The following LAMA1 variants were observed in gnomAD, a reference collection of about 807,000 sequenced individuals.
LAMA1 encodes the protein laminin subunit alpha 1.
A neutral mutation model predicts 348.7 loss-of-function variants in LAMA1; 219 were observed. The ratio of observed to expected loss-of-function variants is 0.63; its 90% CI spans 0.56 to 0.70. The LOEUF is 0.70. Ranked by LOEUF, LAMA1 falls within the 30% of genes least tolerant of loss-of-function variation. The probability of loss-of-function intolerance (pLI) is 0.00; values close to 1 mark genes in which losing one functional copy is unlikely to be tolerated. For synonymous variants in LAMA1, 1,487 were observed against 1,491.0 expected (o/e 1.00, Z 0.06); for missense variants, 3,744 against 3,888.0 (o/e 0.96, Z 0.99).
At chr18:7,002,192 C>T in intron 30 of LAMA1, 72 bp downstream of exon 30, 2 of 1,586,792 alleles carry the variant, frequency 1.3e-6, no homozygotes, top group Non-Finnish European at 1.7e-6. Flanking sequence ...ACTCAGAGAC[C>T]CTTGAAAATG....
At chr18:7,019,244 C>G (rs1466220749) in intron 19 of LAMA1, among the ~76,000 whole-genome samples, 1 of 152,098 alleles carries the variant, frequency 6.6e-6, no homozygotes, top group Non-Finnish European at 1.5e-5. Context: ...AGACTTCGGT[C>G]CCCCTCTTAC....
intron 1 of LAMA1, among the ~76,000 whole-genome samples, chr18:7,094,162 T>C (rs1382439663): frequency 6.6e-6 from 1 of 152,066 alleles, no homozygotes; most frequent in Non-Finnish European, 1.5e-5. Flanking sequence ...GGAGTGGGGC[T>C]GAGATACTTC....
chr18:7,080,934 T>C (rs1056981045), intron 1 of LAMA1, among the ~76,000 whole-genome samples: 3 of 152,202 alleles, frequency 2.0e-5, no homozygotes, highest in African/African-American at 2.4e-5. Flanking sequence ...TGTCTCCAAT[T>C]CACTTCGAAA....
chr18:7,023,371 C>A lies in LAMA1; in HGVS notation c.2494G>T (p.Ala832Ser). The change falls in exon 19 of 63, where the codon GCA becomes TCA. Residue 832 changes from alanine (A) to serine (S), a missense_variant. By Grantham distance (99) the Ala-to-Ser change is moderately conservative. Around this residue, in one of 3 missense-constraint regions of LAMA1, gnomAD observed 1,529 missense variants for 1,689.4 expected, o/e 0.91. Coordinates refer to ENST00000389658, the MANE Select transcript of LAMA1 (RefSeq NM_005559.4). The part of the protein sequence containing the change: ...GYSGAWCERC[A>S]DGYYGNPTVP... ...GTTGGGTTTCCATAGTAACCATCTG[C>A]ACATCTGTATCAAAGATTGAAAGTG... The A allele has an allele frequency of 6.2e-7, 1 of 1,613,930 alleles. No homozygotes were observed. The highest frequency in any genetic ancestry group is 8.5e-7 in the Non-Finnish European group (1 of 1,179,826).
At chr18:7,081,170 A>C (rs542247428) in intron 1 of LAMA1, among the ~76,000 whole-genome samples, 179 of 152,270 alleles carry the variant, frequency 1.2e-3, no homozygotes, top group African/African-American at 3.4e-3. Flanking sequence ...ACAACAACAA[A>C]AAAAAACCAA....
At position 6,956,316 on chromosome 18, in the gene LAMA1, C is replaced by G. The variant is rs112274638; in HGVS notation, c.8094+320G>C. On this transcript the variant is annotated intron_variant, in intron 56 of 62. Transcript: ENST00000389658. ...GTGCACAATGGCTTTACATGAAGTA[C>G]TTATTTTCATGCTTTCCTGGCTAAA... is the stretch of plus-strand genomic sequence containing the variant. The G allele has an allele frequency of 3.0e-4, 132 of 438,690 alleles. 4 individuals are homozygous for G. Among genetic ancestry groups the G allele is most frequent in the African/African-American group, 2.4e-3 (121 of 49,676 alleles). 27.2% of individuals were successfully genotyped at this position (438,690 alleles called of 1,614,324 possible). A position where few individuals can be genotyped will look rare whatever the true frequency, so the allele number is the denominator to read the frequency against.
intron 3 of LAMA1, among the ~76,000 whole-genome samples, chr18:7,072,050 G>T (rs1034611435): frequency 1.3e-5 from 2 of 151,770 alleles, no homozygotes; most frequent in African/African-American, 2.4e-5. Context: ...GCGAAGAGAT[G>T]ATGTGTTTCT....
Position 6,961,977 on chromosome 18 carries a change from A to C in LAMA1, c.7420T>G (p.Ser2474Ala), listed in dbSNP as rs767992112. 4 of 1,614,184 alleles carry C rather than the reference A, an allele frequency of 2.5e-6. No homozygotes were observed. In the South Asian group the frequency reaches 4.4e-5, roughly 18 times the overall value. Reference protein sequence around the residue: ...SRSTFDLLRNSYGVRKGCLLE... With the variant: ...SRSTFDLLRNAYGVRKGCLLE... ...AAACAGCCTTTTCTCACTCCATAGGAATTTCTGAGTAAGTCAAAGGTTGAT... is the reference window on the plus strand; with the variant it reads ...AAACAGCCTTTTCTCACTCCATAGGCATTTCTGAGTAAGTCAAAGGTTGAT... The change falls in exon 52 of 63, where the codon TCC (serine) becomes GCC (alanine). Residue 2474 changes from serine (S) to alanine (A), a missense_variant. By Grantham distance (99) the Ser-to-Ala change is moderately conservative (BLOSUM62 1). Around this residue, in one of 3 missense-constraint regions of LAMA1, gnomAD observed 1,983 missense variants for 1,934.3 expected, o/e 1.03. Transcript: ENST00000389658.
chr18:7,043,077 G>A (rs2058027413), intron 8 of LAMA1, 150 bp downstream of exon 8: 1 of 742,694 alleles, frequency 1.3e-6, no homozygotes, highest in Admixed American at 2.4e-5. Context: ...GGATAGAGTA[G>A]GAAATATATA....
Position 6,956,696 on chromosome 18 carries a change from C to A in LAMA1, c.8034G>T (p.Arg2678Ser), listed in dbSNP as rs554545286. ...VDLDTCWLSERPKLAPDAEDS... is the reference protein window; with the variant it reads ...VDLDTCWLSESPKLAPDAEDS... Reference sequence around the variant, plus strand: ...CCTCTGCATCGGGAGCCAGCTTAGGCCTTTCTGACAGCCAGCAGGTGTCCA... The same window carrying A: ...CCTCTGCATCGGGAGCCAGCTTAGGACTTTCTGACAGCCAGCAGGTGTCCA... Residue 2678 changes from arginine to serine, a missense_variant, in exon 56 of 63, where the codon AGG (arginine) becomes AGT (serine). Physicochemically the swap from Arg to Ser is moderately radical, Grantham distance 110. This residue lies in a region of LAMA1 where 1,983 missense variants were observed against 1,934.3 expected (regional missense o/e 1.03). Transcript: ENST00000389658. The A allele has an allele frequency of 2.5e-6, 4 of 1,614,102 alleles. No individual in the cohort carries two copies. Among genetic ancestry groups the A allele is most frequent in the South Asian group, 1.1e-5 (1 of 91,086 alleles).
chr18:7,057,422 C>T (rs2058085915), intron 3 of LAMA1, among the ~76,000 whole-genome samples: 2 of 151,726 alleles, frequency 1.3e-5, no homozygotes, highest in South Asian at 2.1e-4. Flanking sequence ...AGTTTTTCCA[C>T]CCTTTCACTT....
intron 29 of LAMA1, among the ~76,000 whole-genome samples, chr18:7,003,677 T>C (rs2057818916): frequency 6.6e-6 from 1 of 152,224 alleles, no homozygotes; most frequent in Non-Finnish European, 1.5e-5. Context: ...CAAGATTCCA[T>C]GTCTGATGCA....
intron 35 of LAMA1, 140 bp from the exon 36 acceptor site, chr18:6,992,860 G>A: frequency 1.5e-6 from 1 of 675,740 alleles, no homozygotes; most frequent in African/African-American, 1.8e-5. Flanking sequence ...CAGGCCACCT[G>A]GCATATCCCA....
intron 35 of LAMA1, 24 bp downstream of exon 35, chr18:6,993,617 C>G (rs1031142755): frequency 1.3e-6 from 2 of 1,500,658 alleles, no homozygotes; most frequent in Middle Eastern, 1.7e-4. Flanking sequence ...ACAGATACTT[C>G]AAACTAGACA....
At chr18:7,038,667 CT>C (rs2058006870) in intron 11 of LAMA1, 142 bp downstream of exon 11, 1 of 1,144,976 alleles carries the variant, frequency 8.7e-7, no homozygotes, top group Non-Finnish European at 1.3e-6. Context: ...AGACGGCTGC[CT>C]TTGACCCACG....
intron 32 of LAMA1, among the ~76,000 whole-genome samples, chr18:6,999,085 T>C (rs1300213957): frequency 6.6e-6 from 1 of 152,014 alleles, no homozygotes; most frequent in Non-Finnish European, 1.5e-5. Flanking sequence ...GAAGCTATCA[T>C]GAAATTGGGG....
In LAMA1 at chr18:7,013,987, T is replaced by G. The variant is rs535850595; in HGVS notation, c.3191A>C (p.Gln1064Pro). The stretch of plus-strand genomic sequence containing the variant: ...CCGGCCACCAAATTTTGACTTGCAC[T>G]GGCAATGGCCGGTGACCACATCGCA... ...HRCDVVTGHC[Q>P]CKSKFGGRAC... is the part of the protein sequence containing the mutation. The change falls in exon 23 of 63, where the codon CAG (glutamine) becomes CCG (proline). Residue 1064 changes from glutamine to proline, a missense_variant. Transcript: ENST00000389658. The G allele has an allele frequency of 1.9e-6, 3 of 1,613,962 alleles. No individual in the cohort carries two copies. The highest frequency in any genetic ancestry group is 2.7e-5 in the African/African-American group (2 of 75,044).
At chr18:7,113,263 AG>A (rs1233125631) in intron 1 of LAMA1, among the ~76,000 whole-genome samples, 2 of 152,208 alleles carry the variant, frequency 1.3e-5, no homozygotes, top group Non-Finnish European at 2.9e-5. Context: ...GGCACTTAAG[AG>A]CCCATGTGCC....
intron 3 of LAMA1, among the ~76,000 whole-genome samples, chr18:7,064,912 G>T (rs1467999204): frequency 2.6e-5 from 4 of 152,090 alleles, no homozygotes; most frequent in Non-Finnish European, 5.9e-5. Flanking sequence ...AACTGCACTG[G>T]ATCAGTCACT....
Sources: gnomAD v4.1 joint callset for allele counts (sites outside exome capture counted in the v4.1 genomes callset) on GRCh38, gnomAD v4.1.1 for gene constraint, gnomAD v4.1.1 regional missense constraint, MANE v1.5 for transcripts, NCBI Gene and HGNC (gene_info 2026-07-23, HGNC 2026-07-21) for gene names.